The following SLC67A1 variants were observed in gnomAD, a reference collection of about 807,000 sequenced individuals.
SLC67A1 encodes solute carrier family 67 member A1.
the SLC67A1 span, among the ~76,000 whole-genome samples, chr11:2,908,555 A>T: frequency 6.6e-6 from 1 of 152,154 alleles, no homozygotes; most frequent in Non-Finnish European, 1.5e-5. Flanking sequence ...GGCCAGAGAG[A>T]GAGTGTGACT....
the SLC67A1 span, among the ~76,000 whole-genome samples, chr11:2,924,418 C>G: frequency 2.6e-5 from 4 of 152,056 alleles, no homozygotes; most frequent in Admixed American, 2.6e-4. This position sits in a 1 kb window ranked among gnomAD's most constrained non-coding sequence, Gnocchi z 8.6. Context: ...CAGGAGGGGC[C>G]GTGGGATGGG....
At chr11:2,919,555 T>C in the SLC67A1 span, 1 of 637,020 alleles carries the variant, frequency 1.6e-6, no homozygotes, top group Non-Finnish European at 2.8e-6. Flanking sequence ...GAACCAGGCA[T>C]ACAGGCCAGG....
At chr11:2,909,522 G>C in the SLC67A1 span, 1 of 1,482,556 alleles carries the variant, frequency 6.7e-7, no homozygotes. Context: ...CGGGTCAGGG[G>C]GGGAAGGGCC....
the SLC67A1 span, chr11:2,915,050 C>G: frequency 1.0e-6 from 1 of 985,406 alleles, no homozygotes; most frequent in South Asian, 4.7e-5. Flanking sequence ...CTGCAGGAGT[C>G]GGAGCTGCCC....
chr11:2,916,594 C>T, the SLC67A1 span: 7 of 1,578,052 alleles, frequency 4.4e-6, no homozygotes, highest in Non-Finnish European at 6.1e-6. Flanking sequence ...GGACCCGCAC[C>T]CTGTGCAGCC....
chr11:2,903,020 G>A, the SLC67A1 span: 1 of 342,782 alleles, frequency 2.9e-6, no homozygotes, highest in Non-Finnish European at 5.1e-6. Flanking sequence ...AGGCAACCAG[G>A]CACTGAGCCT....
the SLC67A1 span, chr11:2,903,305 G>C: frequency 1.1e-5 from 18 of 1,597,482 alleles, 1 homozygote; most frequent in South Asian, 1.7e-4. Flanking sequence ...CCAGCCTCCT[G>C]CTTGGATCTC....
the SLC67A1 span, among the ~76,000 whole-genome samples, chr11:2,906,897 A>AG: frequency 0.041 from 6,168 of 150,258 alleles, 233 homozygotes; most frequent in African/African-American, 0.1. Flanking sequence ...GAAAAAAAAA[A>AG]AGAGAAGCTC....
the SLC67A1 span, chr11:2,922,256 C>A: frequency 6.4e-7 from 1 of 1,554,402 alleles, no homozygotes; most frequent in Non-Finnish European, 8.9e-7. Context: ...CTGGGCAAGG[C>A]CACCTGGGCG....
At chr11:2,904,220 G>C in the SLC67A1 span, among the ~76,000 whole-genome samples, 1 of 152,216 alleles carries the variant, frequency 6.6e-6, no homozygotes, top group East Asian at 1.9e-4. Flanking sequence ...GGCCCTTCCT[G>C]TGTTTGCTTC....
At chr11:2,916,562 T>C in the SLC67A1 span, 2 of 1,296,184 alleles carry the variant, frequency 1.5e-6, no homozygotes, top group African/African-American at 1.5e-5. Flanking sequence ...TTGGGGGATG[T>C]GGCTGGGGCG....
chr11:2,918,016 G>C, the SLC67A1 span: 3 of 1,613,418 alleles, frequency 1.9e-6, no homozygotes, highest in Non-Finnish European at 2.5e-6. Context: ...TGTTCGACCT[G>C]AAGGCCATCG....
the SLC67A1 span, chr11:2,903,152 G>C: frequency 7.3e-6 from 10 of 1,362,348 alleles, no homozygotes; most frequent in Non-Finnish European, 9.6e-6. Flanking sequence ...TGTCCTCTAA[G>C]GTCCAGGTAG....
At chr11:2,912,320 G>A in the SLC67A1 span, among the ~76,000 whole-genome samples, 13 of 152,370 alleles carry the variant, frequency 8.5e-5, no homozygotes, top group African/African-American at 2.9e-4. Flanking sequence ...GTGCCAGCCA[G>A]GCTCCAAAGC....
the SLC67A1 span, among the ~76,000 whole-genome samples, chr11:2,911,222 G>A: frequency 4.6e-5 from 7 of 152,116 alleles, no homozygotes; most frequent in Non-Finnish European, 7.4e-5. Context: ...AGAGGGGGTC[G>A]GGAAGTCGTG....
At chr11:2,924,800 G>C in the SLC67A1 span, among the ~76,000 whole-genome samples, 1 of 152,164 alleles carries the variant, frequency 6.6e-6, no homozygotes, top group Non-Finnish European at 1.5e-5. This position sits in a 1 kb window ranked among gnomAD's most constrained non-coding sequence, Gnocchi z 8.6. Flanking sequence ...AGGCTGGGCG[G>C]GTGGCAGGGG....
chr11:2,908,756 A>G, the SLC67A1 span, among the ~76,000 whole-genome samples: 1 of 152,198 alleles, frequency 6.6e-6, no homozygotes, highest in Non-Finnish European at 1.5e-5. Flanking sequence ...TTGCCTCTTC[A>G]GAGCAACCCG....
At chr11:2,919,616 G>A in the SLC67A1 span, 13 of 558,936 alleles carry the variant, frequency 2.3e-5, no homozygotes, top group Admixed American at 3.2e-5. Context: ...AGTGGACTCC[G>A]GCCTCTGATG....
the SLC67A1 span, among the ~76,000 whole-genome samples, chr11:2,913,954 G>A: frequency 6.6e-6 from 1 of 152,140 alleles, no homozygotes; most frequent in Non-Finnish European, 1.5e-5. Flanking sequence ...GTGGGCTGCG[G>A]TTGGTGGGCA....
Sources: allele counts gnomAD v4.1 joint callset (sites outside exome capture counted in the v4.1 genomes callset), GRCh38; gene constraint gnomAD v4.1.1; non-coding constraint Gnocchi (gnomAD v3.1); transcripts MANE v1.5; gene names NCBI Gene and HGNC (gene_info 2026-07-23, HGNC 2026-07-21).